The following AK5 variants were observed in gnomAD, a reference collection of about 807,000 sequenced individuals.
AK5 encodes adenylate kinase 5.
In AK5, 27 loss-of-function variants were observed where a neutral mutation model predicts 69.5. The observed-to-expected ratio is 0.39, with a 90% CI of 0.29 to 0.54. The LOEUF (loss-of-function observed/expected upper bound fraction) is 0.54. Among genes scored for constraint, AK5 ranks in the 20% least tolerant of loss-of-function variants. The pLI is 0.71. For missense variants in AK5, 531 were observed against 700.4 expected (o/e 0.76, Z 2.73); for synonymous variants, 260 against 244.4 (o/e 1.06, Z -0.60).
At chr1:77,489,868 T>C (rs1435526080) in intron 10 of AK5, among the ~76,000 whole-genome samples, 1 of 152,208 alleles carries the variant, frequency 6.6e-6, no homozygotes, top group African/African-American at 2.4e-5. Context: ...CAGCCACACC[T>C]GCATCCTTAT....
At chr1:77,296,694 G>A (rs1659024141) in intron 3 of AK5, among the ~76,000 whole-genome samples, 1 of 152,088 alleles carries the variant, frequency 6.6e-6, no homozygotes, top group Non-Finnish European at 1.5e-5. Context: ...TTTATTTCAA[G>A]CCAATTCATG....
intron 5 of AK5, among the ~76,000 whole-genome samples, chr1:77,313,452 A>G (rs577105909): frequency 4.6e-5 from 7 of 152,282 alleles, no homozygotes; most frequent in African/African-American, 1.7e-4. Flanking sequence ...ACCAATTCAA[A>G]AGCAGACTTT....
At chr1:77,555,386 C>T (rs1243842121) in intron 13 of AK5, among the ~76,000 whole-genome samples, 1 of 152,198 alleles carries the variant, frequency 6.6e-6, no homozygotes, top group Non-Finnish European at 1.5e-5. Context: ...ACAATTCCAG[C>T]TTCACTCCTT....
Position 77,531,832 on chromosome 1 carries a change from C to T in AK5, c.1429-4015C>T, listed in dbSNP as rs189988333. Among the ~76,000 whole-genome samples the T allele has an allele frequency of 6.0e-3, 808 of 134,256 alleles. 7 individuals are homozygous for T. The highest frequency in any genetic ancestry group is 0.021 in the African/African-American group (773 of 36,182). The allele number at this position is 134,256 out of a possible 152,430, so 88.1% of individuals were successfully genotyped here. On this transcript the variant is annotated intron_variant, in intron 12 of 13. Transcript: ENST00000354567. ...CTGCGCTCGTCGGGGAGGCTGGTGC[C>T]GCGCAGGAGACCAGGGGGAGGTGGG...
rs139789442 is a variant in AK5, at chr1:77,316,231, T to A, written c.699+18284T>A. On this transcript the variant is annotated intron_variant, in intron 5 of 13. Coordinates refer to ENST00000354567, the MANE Select transcript of AK5 (RefSeq NM_174858.3). ...ATTGTGCTTAGGAAGGTTGTGGCCC[T>A]GGAGCAAACACAGCCCTTGTGAACT... is the stretch of plus-strand genomic sequence containing the variant. 5.5e-4 allele frequency among the ~76,000 whole-genome samples: 83 copies of A among 152,268 alleles called. No homozygotes were observed. In the Middle Eastern group the frequency reaches 0.017, roughly 31 times the overall value.
Position 77,294,103 on chromosome 1 carries a change from A to C in AK5, c.415+143A>C, listed in dbSNP as rs546629559. 4.1e-4 allele frequency: 280 copies of C among 682,754 alleles called. 3 individuals carry two copies. In the South Asian group the frequency reaches 5.9e-3, roughly 14 times the overall value. The allele number at this position is 682,754 out of a possible 1,614,324, so 42.3% of individuals were successfully genotyped here. A position where few individuals can be genotyped will look rare whatever the true frequency, so the allele number is the denominator to read the frequency against. ...AAAAGCTCAAGGGACAATAAATGGA[A>C]ATATTCTTAGTATAAGTTTCAATAA... is the stretch of plus-strand genomic sequence containing the variant. On this transcript the variant is annotated intron_variant, in intron 3 of 13. Coordinates refer to ENST00000354567, the MANE Select transcript of AK5 (RefSeq NM_174858.3).
chr1:77,537,126 G>A (rs917996445), intron 13 of AK5, among the ~76,000 whole-genome samples: 2 of 152,122 alleles, frequency 1.3e-5, no homozygotes, highest in African/African-American at 4.8e-5. Flanking sequence ...TGAGATCAAA[G>A]CAAGCACAGA....
chr1:77,498,924 A>G (rs1309856171), intron 10 of AK5, among the ~76,000 whole-genome samples: 2 of 152,228 alleles, frequency 1.3e-5, no homozygotes, highest in Non-Finnish European at 2.9e-5. Context: ...TTCACCTACA[A>G]CCAGCTGTAG....
intron 5 of AK5, among the ~76,000 whole-genome samples, chr1:77,337,392 T>A (rs1162790775): frequency 6.6e-6 from 1 of 152,214 alleles, no homozygotes; most frequent in African/African-American, 2.4e-5. Context: ...AATGCAAGTT[T>A]TTATCTGCAT....
chr1:77,489,119 A>C (rs9324162), intron 10 of AK5, among the ~76,000 whole-genome samples: 1 of 152,130 alleles, frequency 6.6e-6, no homozygotes, highest in African/African-American at 2.4e-5. Context: ...CTCTCTAGGC[A>C]TAACTAAAGA....
chr1:77,547,835 G>C (rs900864138), intron 13 of AK5, among the ~76,000 whole-genome samples: 21 of 152,228 alleles, frequency 1.4e-4, no homozygotes, highest in Non-Finnish European at 2.5e-4. Context: ...TTAAAAATCA[G>C]TTCCTTTCTT....
intron 2 of AK5, among the ~76,000 whole-genome samples, chr1:77,289,393 C>T (rs1425539931): frequency 2.0e-5 from 3 of 152,178 alleles, no homozygotes; most frequent in Non-Finnish European, 2.9e-5. Flanking sequence ...CCCAGGGTGT[C>T]GTCATACTTA....
At chr1:77,426,727 A>G (rs192839515) in intron 8 of AK5, among the ~76,000 whole-genome samples, 6 of 152,350 alleles carry the variant, frequency 3.9e-5, no homozygotes, top group African/African-American at 1.4e-4. Flanking sequence ...CACCAAGACT[A>G]CATTCTGGGT....
At chr1:77,501,018 A>G (rs1049087874) in intron 10 of AK5, among the ~76,000 whole-genome samples, 31 of 152,206 alleles carry the variant, frequency 2.0e-4, no homozygotes, top group African/African-American at 7.2e-4. Flanking sequence ...TACCAGGGGT[A>G]AGAGGACAAA....
At chr1:77,384,920 A>G (rs1398466953) in intron 6 of AK5, among the ~76,000 whole-genome samples, 1 of 152,166 alleles carries the variant, frequency 6.6e-6, no homozygotes, top group Non-Finnish European at 1.5e-5. Context: ...GCAGAATGGT[A>G]TAGTGGAAGT....
At chr1:77,554,771 A>C (rs1433000927) in intron 13 of AK5, among the ~76,000 whole-genome samples, 2 of 119,688 alleles carry the variant, frequency 1.7e-5, no homozygotes, top group African/African-American at 3.2e-5. Context: ...ATGCCCGGCT[A>C]TTTTTTTTTT....
intron 13 of AK5, among the ~76,000 whole-genome samples, chr1:77,543,707 A>C (rs1042985922): frequency 6.6e-6 from 1 of 152,076 alleles, no homozygotes; most frequent in Non-Finnish European, 1.5e-5. Flanking sequence ...GAGCAGTCCA[A>C]GTTTTCAGAA....
At chr1:77,504,156 G>T (rs11585860) in intron 10 of AK5, among the ~76,000 whole-genome samples, 2 of 152,014 alleles carry the variant, frequency 1.3e-5, no homozygotes, top group Non-Finnish European at 2.9e-5. Flanking sequence ...AGCGCATGTG[G>T]ATTCCTCACA....
intron 6 of AK5, among the ~76,000 whole-genome samples, chr1:77,382,343 CTT>C (rs776757240): frequency 4.0e-5 from 6 of 149,622 alleles, no homozygotes; most frequent in African/African-American, 9.9e-5. Flanking sequence ...ATGTAAAACA[CTT>C]TTTTAAATTT....
Sources: allele counts gnomAD v4.1 joint callset (sites outside exome capture counted in the v4.1 genomes callset), GRCh38; gene constraint gnomAD v4.1.1; transcripts MANE v1.5; gene names NCBI Gene and HGNC (gene_info 2026-07-23, HGNC 2026-07-21).